Variants in RAD54L observed in about 807,000 individuals in gnomAD.
The protein encoded by RAD54L is DNA repair and recombination protein RAD54-like.
A neutral mutation model predicts 91.6 loss-of-function variants in RAD54L; 74 were observed. The ratio of observed to expected loss-of-function variants is 0.81; its 90% CI spans 0.67 to 0.98. The LOEUF (loss-of-function observed/expected upper bound fraction) is 0.98. Ranked by LOEUF, RAD54L falls within the 50% of genes least tolerant of loss-of-function variation. The probability of loss-of-function intolerance (pLI) is 0.00; values close to 1 mark genes in which losing one functional copy is unlikely to be tolerated. For missense variants in RAD54L, 887 were observed against 945.7 expected (o/e 0.94, Z 0.81); for synonymous variants, 304 against 349.7 (o/e 0.87, Z 1.46).
At chr1:46,264,158 G>A (rs1465085938) in intron 8 of RAD54L, among the ~76,000 whole-genome samples, 1 of 152,140 alleles carries the variant, frequency 6.6e-6, no homozygotes, top group African/African-American at 2.4e-5. Context: ...CTGACTCTGT[G>A]CAGGGCACAA....
chr1:46,276,898 T>C (rs1377842772), intron 16 of RAD54L, among the ~76,000 whole-genome samples: 1 of 152,188 alleles, frequency 6.6e-6, no homozygotes, highest in African/African-American at 2.4e-5. Flanking sequence ...CTTCCCGGGT[T>C]CAAGCGATTC....
At position 46,265,341 on chromosome 1, in the gene RAD54L, G is replaced by A. The variant is rs1480403986; in HGVS notation, c.892-2118G>A. Among the ~76,000 whole-genome samples, 1 of 151,548 alleles carries A rather than the reference G, an allele frequency of 6.6e-6. No individual in the cohort carries two copies. The highest frequency in any genetic ancestry group is 2.4e-5 in the African/African-American group (1 of 41,242). On this transcript the variant is annotated intron_variant, in intron 8 of 17. Transcript: ENST00000371975. This position sits in a 1 kb window ranked among gnomAD's most constrained non-coding sequence, Gnocchi z 4.8. Reference sequence around the variant, plus strand: ...CTACTAAAAATACAAAAGTTAGCCCGGCATAGTAACACATGCCTGTAATAC... The same window carrying A: ...CTACTAAAAATACAAAAGTTAGCCCAGCATAGTAACACATGCCTGTAATAC...
At position 46,267,496 on chromosome 1, in the gene RAD54L, A is replaced by G. The variant is rs775966419; in HGVS notation, c.929A>G (p.Gln310Arg). ...AAGAACTCTGAGAATCAGACTTACC[A>G]AGCCCTGGACAGCTTGAACACCAGC... ...RLKNSENQTY[Q>R]ALDSLNTSRR... Residue 310 changes from glutamine (Q) to arginine (R), a missense_variant, in exon 9 of 18, where the codon CAA becomes CGA. Coordinates refer to ENST00000371975, the MANE Select transcript of RAD54L (RefSeq NM_003579.4). 1 of 1,614,090 alleles carries G rather than the reference A, an allele frequency of 6.2e-7. No homozygotes were observed. The highest frequency in any genetic ancestry group is 1.1e-5 in the South Asian group (1 of 91,074).
At position 46,261,322 on chromosome 1, in the gene RAD54L, G is replaced by C; in HGVS notation, c.828G>C (p.Glu276Asp). The C allele has an allele frequency of 1.2e-6, 2 of 1,613,408 alleles. No homozygotes were observed. The highest frequency in any genetic ancestry group is 1.7e-6 in the Non-Finnish European group (2 of 1,179,926). Reference sequence around the variant, plus strand: ...CTCCCATCCTCATCATTTCCTATGAGACCTTCCGCCTTCATGTTGGAGTCC... The same window carrying C: ...CTCCCATCCTCATCATTTCCTATGACACCTTCCGCCTTCATGTTGGAGTCC... ...VSSPILIISY[E>D]TFRLHVGVLQ... Residue 276 changes from glutamate (E) to aspartate (D), a missense_variant, in exon 8 of 18, where the codon GAG (glutamate) becomes GAC (aspartate). Physicochemically the swap from Glu to Asp is conservative, Grantham distance 45 (BLOSUM62 2). Coordinates refer to ENST00000371975, the MANE Select transcript of RAD54L (RefSeq NM_003579.4).
intron 6 of RAD54L, 54 bp downstream of exon 6, chr1:46,260,665 T>G: frequency 6.2e-7 from 1 of 1,613,740 alleles, no homozygotes; most frequent in Non-Finnish European, 8.5e-7. Flanking sequence ...CCTGGGAGAC[T>G]ACCATCCCTG....
intron 15 of RAD54L, 52 bp downstream of exon 15, chr1:46,274,268 AG>A: frequency 3.2e-6 from 5 of 1,539,508 alleles, no homozygotes; most frequent in Non-Finnish European, 4.5e-6. Context: ...ATCAGAATTA[AG>A]GAATGATAGA....
At chr1:46,260,162 G>C (rs1025523825) in intron 5 of RAD54L, 63 bp downstream of exon 5, 2 of 1,603,400 alleles carry the variant, frequency 1.2e-6, no homozygotes, top group African/African-American at 2.7e-5. Flanking sequence ...TACTTGGGAG[G>C]GCAGAGGGTA....
intron 10 of RAD54L, among the ~76,000 whole-genome samples, chr1:46,271,826 C>A (rs1163042372): frequency 6.6e-6 from 1 of 151,998 alleles, no homozygotes; most frequent in African/African-American, 2.4e-5. Context: ...CAGAAACTCC[C>A]CTAAGGACTT....
At chr1:46,262,899 C>T (rs569850342) in intron 8 of RAD54L, among the ~76,000 whole-genome samples, 1 of 152,210 alleles carries the variant, frequency 6.6e-6, no homozygotes, top group South Asian at 2.1e-4. Flanking sequence ...TGCCACTGAC[C>T]AGCAGTGTGA....
chr1:46,274,407 G>A, intron 15 of RAD54L, 131 bp from the exon 16 acceptor site: 1 of 1,299,530 alleles, frequency 7.7e-7, no homozygotes, highest in Non-Finnish European at 1.1e-6. Flanking sequence ...TGGCTGGTGA[G>A]CAGATAAACT....
chr1:46,266,426 C>T (rs947430532), intron 8 of RAD54L, among the ~76,000 whole-genome samples: 2 of 152,232 alleles, frequency 1.3e-5, no homozygotes, highest in African/African-American at 4.8e-5. Context: ...TGTGCCTTCC[C>T]CAGTATGGGG....
At chr1:46,278,004 T>TGGGTG (rs1660667895) in intron 17 of RAD54L, 24 bp downstream of exon 17, 1 of 1,614,054 alleles carries the variant, frequency 6.2e-7, no homozygotes, top group South Asian at 1.1e-5. Context: ...CTAACCATTA[T>TGGGTG]CTCTAAGCTA....
In RAD54L at chr1:46,273,368, C is replaced by G. The variant is rs762177990; in HGVS notation, c.1389C>G (p.Ile463Met). ...LKKLCNHPAL[I>M]YDKCVEEEDG... ...GTTTTCTCCCAGATCCAGCTCTAAT[C>G]TATGATAAGTGTGTGGAAGAGGAGG... The change falls in exon 13 of 18, where the codon ATC (isoleucine) becomes ATG (methionine). Residue 463 changes from isoleucine to methionine, a missense_variant. Ile to Met is a conservative substitution (Grantham distance 10). Coordinates refer to ENST00000371975, the MANE Select transcript of RAD54L (RefSeq NM_003579.4). 42 of 1,612,560 alleles carry G rather than the reference C, an allele frequency of 2.6e-5. No homozygotes were observed. Among genetic ancestry groups the G allele is most frequent in the Non-Finnish European group, 3.5e-5 (41 of 1,178,662 alleles).
At chr1:46,262,116 C>G (rs1205680766) in intron 8 of RAD54L, among the ~76,000 whole-genome samples, 2 of 151,672 alleles carry the variant, frequency 1.3e-5, no homozygotes, top group Non-Finnish European at 2.9e-5. Flanking sequence ...GAAACCCTGT[C>G]TCAAAACACA....
At chr1:46,261,195 G>GTTTTTTTTTTTTT in intron 7 of RAD54L, 66 bp from the exon 8 acceptor site, 1 of 1,554,932 alleles carries the variant, frequency 6.4e-7, no homozygotes, top group South Asian at 1.1e-5. Context: ...CTGTCTAATT[G>GTTTTTTTTTTTTT]TTTTTTTTGT....
intron 12 of RAD54L, 133 bp downstream of exon 12, chr1:46,272,935 T>C: frequency 7.6e-7 from 1 of 1,324,194 alleles, no homozygotes. Flanking sequence ...ATTCCAACCC[T>C]ACCCAAGGCA....
In RAD54L at chr1:46,253,089, G is replaced by A. The variant is rs72899064; in HGVS notation, c.210+2970G>A. 8.5e-3 allele frequency among the ~76,000 whole-genome samples: 1,294 copies of A among 152,116 alleles called. 19 individuals are homozygous for A. The highest frequency in any genetic ancestry group is 0.037 in the Middle Eastern group (11 of 294). The stretch of plus-strand genomic sequence containing the variant: ...TCTCAAAAGGAAAAAAAATACTTGC[G>A]TATAGGAAAATTCAGAAAAGTATAG... On this transcript the variant is annotated intron_variant, in intron 3 of 17. Transcript: ENST00000371975.
intron 10 of RAD54L, among the ~76,000 whole-genome samples, chr1:46,271,752 A>G (rs907014308): frequency 6.6e-6 from 1 of 152,154 alleles, no homozygotes; most frequent in Middle Eastern, 3.4e-3. Context: ...TCTTCCCAGG[A>G]GGTCTATGCT....
At position 46,260,887 on chromosome 1, in the gene RAD54L, A is replaced by G. The variant is rs755047805; in HGVS notation, c.638A>G (p.Lys213Arg). 1 of 1,614,230 alleles carries G rather than the reference A, an allele frequency of 6.2e-7. No individual in the cohort carries two copies. The highest frequency in any genetic ancestry group is 1.1e-5 in the South Asian group (1 of 91,088). Residue 213 changes from lysine (K) to arginine (R), a missense_variant, in exon 7 of 18, where the codon AAG becomes AGG. Transcript: ENST00000371975. The stretch of plus-strand genomic sequence containing the variant: ...CCAGAGTGCAAGCCAGAAATTGACA[A>G]GGCAGTGGTGGTGTCGCCTTCCAGC... Reference protein sequence around the residue: ...QSPECKPEIDKAVVVSPSSLV... With the variant: ...QSPECKPEIDRAVVVSPSSLV...
Sources: gnomAD v4.1 joint callset for allele counts (sites outside exome capture counted in the v4.1 genomes callset) on GRCh38, gnomAD v4.1.1 for gene constraint, Gnocchi (gnomAD v3.1) non-coding constraint, MANE v1.5 for transcripts, NCBI Gene and HGNC (gene_info 2026-07-23, HGNC 2026-07-21) for gene names.